Variants in CNTNAP2 observed in about 807,000 individuals in gnomAD.
CNTNAP2 encodes the protein contactin associated protein 2.
A neutral mutation model predicts 155.2 loss-of-function variants in CNTNAP2; 98 were observed. The observed-to-expected ratio is 0.63, with a 90% CI of 0.54 to 0.75. The LOEUF (loss-of-function observed/expected upper bound fraction) is 0.75, where lower values mean the gene tolerates loss of function less well. Ranked by LOEUF, CNTNAP2 falls within the 30% of genes least tolerant of loss-of-function variation. The pLI is 0.00. For missense variants in CNTNAP2, 1,727 were observed against 1,688.1 expected, an observed-to-expected ratio of 1.02 and a Z score of -0.40; for synonymous variants, 651 against 631.2, an observed-to-expected ratio of 1.03 and a Z score of -0.47.
chr7:146,960,365 A>C (rs1424801585), intron 3 of CNTNAP2, among the ~76,000 whole-genome samples: 1 of 152,164 alleles, frequency 6.6e-6, no homozygotes, highest in African/African-American at 2.4e-5. Flanking sequence ...GCTGGGTCTC[A>C]GAGAGAGGCC....
intron 2 of CNTNAP2, among the ~76,000 whole-genome samples, chr7:146,809,103 A>G (rs1386255328): frequency 6.6e-6 from 1 of 152,208 alleles, no homozygotes. Flanking sequence ...CTGCTGGATC[A>G]TACAGTAGTT....
At chr7:147,085,052 T>TC (rs1800243594) in intron 4 of CNTNAP2, among the ~76,000 whole-genome samples, 1 of 152,074 alleles carries the variant, frequency 6.6e-6, no homozygotes, top group Non-Finnish European at 1.5e-5. Context: ...AAGCATTTTT[T>TC]CTCCAAGTTA....
chr7:147,928,963 A>C (rs1800448121), intron 14 of CNTNAP2, among the ~76,000 whole-genome samples: 1 of 151,666 alleles, frequency 6.6e-6, no homozygotes, highest in Non-Finnish European at 1.5e-5. Flanking sequence ...GTGGTGGCAC[A>C]CACCTGTAAT....
At chr7:147,374,221 G>T (rs866964119) in intron 9 of CNTNAP2, among the ~76,000 whole-genome samples, 1 of 151,994 alleles carries the variant, frequency 6.6e-6, no homozygotes, top group Admixed American at 6.6e-5. Flanking sequence ...ATATGACTAG[G>T]AAGGTAAAAA....
chr7:148,160,569 A>C (rs1409787740), intron 17 of CNTNAP2, among the ~76,000 whole-genome samples: 1 of 152,166 alleles, frequency 6.6e-6, no homozygotes, highest in Non-Finnish European at 1.5e-5. Context: ...TGAACCTTTT[A>C]AAAATCCATT....
chr7:147,707,988 G>C (rs1796342021), intron 13 of CNTNAP2, among the ~76,000 whole-genome samples: 1 of 152,088 alleles, frequency 6.6e-6, no homozygotes, highest in African/African-American at 2.4e-5. Flanking sequence ...TGGACATAGA[G>C]TGGGGGAGAG....
At chr7:146,575,736 T>G (rs1360575775) in intron 1 of CNTNAP2, among the ~76,000 whole-genome samples, 1 of 152,204 alleles carries the variant, frequency 6.6e-6, no homozygotes, top group Non-Finnish European at 1.5e-5. Context: ...TACCAATGTC[T>G]CTAAGGCGAT....
In CNTNAP2 at chr7:146,367,508, T is replaced by G. The variant is rs147220395; in HGVS notation, c.97+250535T>G. 2.3e-3 allele frequency among the ~76,000 whole-genome samples: 354 copies of G among 152,258 alleles called. 1 individual carries two copies. Among genetic ancestry groups the G allele is most frequent in the African/African-American group, 8.3e-3 (343 of 41,574 alleles). ...ATGGAAGACAGATTGAAAGGAAATTTGTTACTATTAGGATGCTTGCAATCA... is the reference window on the plus strand; with the variant it reads ...ATGGAAGACAGATTGAAAGGAAATTGGTTACTATTAGGATGCTTGCAATCA... On this transcript the variant is annotated intron_variant, in intron 1 of 23. Transcript: ENST00000361727.
chr7:146,148,524 G>A (rs927332548), intron 1 of CNTNAP2, among the ~76,000 whole-genome samples: 3 of 152,076 alleles, frequency 2.0e-5, no homozygotes, highest in African/African-American at 7.2e-5. Context: ...TTGGGAAAAT[G>A]CTCTAAGTAA....
At chr7:146,527,190 G>C (rs1171420604) in intron 1 of CNTNAP2, among the ~76,000 whole-genome samples, 1 of 151,906 alleles carries the variant, frequency 6.6e-6, no homozygotes, top group African/African-American at 2.4e-5. Flanking sequence ...AAGTTAGAAA[G>C]CTCCACAATT....
chr7:147,273,004 T>G (rs1327312040), intron 8 of CNTNAP2, among the ~76,000 whole-genome samples: 1 of 144,420 alleles, frequency 6.9e-6, no homozygotes, highest in Non-Finnish European at 1.5e-5. Flanking sequence ...TTTTAGCTAT[T>G]CTTCTTTTCC....
intron 13 of CNTNAP2, among the ~76,000 whole-genome samples, chr7:147,860,179 C>T (rs1387254176): frequency 1.3e-5 from 2 of 152,152 alleles, no homozygotes; most frequent in African/African-American, 4.8e-5. Flanking sequence ...AATCTCAACA[C>T]TTTGGAAGGC....
rs1453673467 is a variant in CNTNAP2 at position 146,526,344 on chromosome 7, C to A, written c.98-247927C>A. On this transcript the variant is annotated intron_variant, in intron 1 of 23. Transcript: ENST00000361727. Reference sequence around the variant, plus strand: ...GGAAATGTTTAATTTGCACACAGTTCTTCATGCTTTACAGGAAGTGTGGTG... The same window carrying A: ...GGAAATGTTTAATTTGCACACAGTTATTCATGCTTTACAGGAAGTGTGGTG... Among the ~76,000 whole-genome samples the A allele has an allele frequency of 2.6e-5, 4 of 152,170 alleles. 1 individual carries two copies. The highest frequency in any genetic ancestry group is 9.6e-5 in the African/African-American group (4 of 41,454).
intron 1 of CNTNAP2, among the ~76,000 whole-genome samples, chr7:146,662,803 T>C (rs1052927521): frequency 2.0e-5 from 3 of 152,202 alleles, no homozygotes; most frequent in African/African-American, 7.2e-5. Flanking sequence ...GCATATGTAA[T>C]TGAACATTTT....
At chr7:147,756,601 C>T (rs973724860) in intron 13 of CNTNAP2, among the ~76,000 whole-genome samples, 28 of 152,016 alleles carry the variant, frequency 1.8e-4, no homozygotes, top group Admixed American at 7.9e-4. Context: ...TCATTAAAAA[C>T]AGATTTAAAA....
intron 6 of CNTNAP2, among the ~76,000 whole-genome samples, chr7:147,124,340 A>G (rs1338566017): frequency 6.6e-6 from 1 of 152,182 alleles, no homozygotes; most frequent in African/African-American, 2.4e-5. Context: ...TCCAGAGTAC[A>G]CTAAGGACAA....
intron 13 of CNTNAP2, among the ~76,000 whole-genome samples, chr7:147,801,773 C>T (rs556415421): frequency 4.5e-4 from 69 of 152,312 alleles, no homozygotes; most frequent in Middle Eastern, 3.4e-3. Context: ...TTTCCCCACC[C>T]TTCCCCCCTT....
At chr7:146,208,356 T>C (rs1346862546) in intron 1 of CNTNAP2, among the ~76,000 whole-genome samples, 3 of 152,174 alleles carry the variant, frequency 2.0e-5, no homozygotes, top group Non-Finnish European at 4.4e-5. Flanking sequence ...ACAGAATTTC[T>C]ATATTTCACT....
intron 1 of CNTNAP2, among the ~76,000 whole-genome samples, chr7:146,303,071 CATGTGTGTGTGT>C (rs1299117304): frequency 8.6e-4 from 110 of 128,214 alleles, no homozygotes; most frequent in African/African-American, 4.0e-3. Context: ...CCTTTGTGTG[CATGTGTGTGTGT>C]GTGTGTGTGT....
Sources: gnomAD v4.1 joint callset for allele counts (sites outside exome capture counted in the v4.1 genomes callset) on GRCh38, gnomAD v4.1.1 for gene constraint, MANE v1.5 for transcripts, NCBI Gene and HGNC (gene_info 2026-07-23, HGNC 2026-07-21) for gene names.